The following CDH23 variants were observed in gnomAD, a reference collection of about 807,000 sequenced individuals.
CDH23 encodes cadherin-23.
Under a neutral mutation model 317.1 loss-of-function variants are expected in CDH23, and 189 were observed. The observed-to-expected ratio is 0.60, with a 90% CI of 0.53 to 0.67. The LOEUF (loss-of-function observed/expected upper bound fraction) is 0.67, where lower values mean the gene tolerates loss of function less well. Among genes scored for constraint, CDH23 ranks in the 30% least tolerant of loss-of-function variants. The probability of loss-of-function intolerance (pLI) is 0.00; values close to 1 mark genes in which losing one functional copy is unlikely to be tolerated. For synonymous variants in CDH23, 1,839 were observed against 1,876.8 expected, an observed-to-expected ratio of 0.98 and a Z score of 0.52; for missense variants, 4,401 against 4,592.4, an observed-to-expected ratio of 0.96 and a Z score of 1.20.
chr10:71,577,878 G>C (rs1241388065), intron 8 of CDH23, 36 bp from the exon 9 acceptor site: 2 of 1,536,908 alleles, frequency 1.3e-6, no homozygotes, highest in Non-Finnish European at 1.8e-6. Context: ...AGCAGCCAGG[G>C]GACCCAAACT....
intron 41 of CDH23, among the ~76,000 whole-genome samples, chr10:71,780,523 A>G (rs1005251240): frequency 6.6e-6 from 1 of 152,196 alleles, no homozygotes; most frequent in African/African-American, 2.4e-5. Flanking sequence ...CATGCCTGGG[A>G]TGTTCACAGA....
Position 71,809,868 on chromosome 10 carries a change from G to C in CDH23, c.8771G>C (p.Ser2924Thr). Residue 2924 changes from serine to threonine, a missense_variant, in exon 61 of 70, where the codon AGC becomes ACC. Transcript: ENST00000224721. ...ACCTTCGACCTCTTCATGGCCTACAGCCCCGGCTACTTCGTGGTGGACATT... is the reference window on the plus strand; with the variant it reads ...ACCTTCGACCTCTTCATGGCCTACACCCCCGGCTACTTCGTGGTGGACATT... Reference protein sequence around the residue: ...LRTFDLFMAYSPGYFVVDIVA... With the variant: ...LRTFDLFMAYTPGYFVVDIVA... 6.2e-7 allele frequency: 1 copy of C among 1,613,404 alleles called. No homozygotes were observed. The highest frequency in any genetic ancestry group is 8.5e-7 in the Non-Finnish European group (1 of 1,179,902).
chr10:71,626,292 G>A (rs946040030), intron 11 of CDH23, among the ~76,000 whole-genome samples: 1 of 152,136 alleles, frequency 6.6e-6, no homozygotes, highest in Admixed American at 6.5e-5. Context: ...CCTGTACTGC[G>A]CTAACCCTAG....
intron 38 of CDH23, chr10:71,773,479 A>AGCGGGCGGGACGCGGCCGGC: frequency 1.3e-6 from 2 of 1,554,246 alleles, no homozygotes; most frequent in Non-Finnish European, 1.7e-6. Context: ...GGTGCCGGGG[A>AGCGGGCGGGACGCGGCCGGC]GCGGGCGGGA....
intron 9 of CDH23, among the ~76,000 whole-genome samples, chr10:71,594,137 T>C (rs1441997468): frequency 6.6e-6 from 1 of 152,170 alleles, no homozygotes; most frequent in Admixed American, 6.5e-5. Flanking sequence ...TTGCCATTGA[T>C]CTGAGGGTAG....
At chr10:71,439,970 G>A (rs1849799558) in intron 2 of CDH23, 72 bp downstream of exon 2, 1 of 1,229,656 alleles carries the variant, frequency 8.1e-7, no homozygotes, top group African/African-American at 1.5e-5. Context: ...AGGGTGTTGG[G>A]GCTGGTGGTT....
At position 71,751,717 on chromosome 10, in the gene CDH23, G is replaced by T. The variant is rs139821326; in HGVS notation, c.4845+9796G>T. The T allele has an allele frequency of 5.7e-6, 9 of 1,578,240 alleles. 1 individual carries two copies. The African/African-American group carries it at 8.1e-5, about 14-fold the overall frequency. ...CGGGGCCTGGAGGAGACAGGGGGGT[G>T]CTGGGCTCCGAAAGCAGATGCCGCC... On this transcript the variant is annotated intron_variant, in intron 38 of 69. Transcript: ENST00000224721. This position sits in a 1 kb window ranked among gnomAD's most constrained non-coding sequence, Gnocchi z 4.9.
chr10:71,464,672 A>G, intron 3 of CDH23, among the ~76,000 whole-genome samples: 1 of 142,168 alleles, frequency 7.0e-6, no homozygotes, highest in African/African-American at 2.6e-5. Flanking sequence ...GGCTGGTGGG[A>G]GTGGGAGTGA....
chr10:71,595,575 C>T (rs1226859374), intron 9 of CDH23, among the ~76,000 whole-genome samples: 3 of 152,158 alleles, frequency 2.0e-5, no homozygotes, highest in Admixed American at 6.6e-5. Context: ...TTCTTTCCTT[C>T]CCCCCATGGT....
At chr10:71,524,728 G>C (rs1854927404) in intron 6 of CDH23, among the ~76,000 whole-genome samples, 1 of 152,172 alleles carries the variant, frequency 6.6e-6, no homozygotes, top group South Asian at 2.1e-4. Flanking sequence ...GAGAAGACAT[G>C]ACAGTGGATG....
intron 19 of CDH23, among the ~76,000 whole-genome samples, chr10:71,688,861 T>A (rs868057122): frequency 9.5e-6 from 1 of 105,642 alleles, no homozygotes; most frequent in African/African-American, 3.5e-5. Context: ...TCAGGGGTGG[T>A]GGAGTCAGGG....
intron 56 of CDH23, 41 bp downstream of exon 56, chr10:71,806,038 G>C: frequency 6.5e-7 from 1 of 1,548,860 alleles, no homozygotes; most frequent in Non-Finnish European, 8.7e-7. Flanking sequence ...GTCTGGGGCG[G>C]GGCTTTCTTC....
At chr10:71,681,121 C>T (rs1270916958) in intron 17 of CDH23, among the ~76,000 whole-genome samples, 1 of 152,042 alleles carries the variant, frequency 6.6e-6, no homozygotes, top group African/African-American at 2.4e-5. Flanking sequence ...AGCCACTGTG[C>T]CTGGCCCATC....
chr10:71,532,711 G>GTTTTTT (rs531593760), intron 6 of CDH23, among the ~76,000 whole-genome samples: 115 of 128,100 alleles, frequency 9.0e-4, no homozygotes, highest in Non-Finnish European at 1.4e-3. Context: ...TTTTGTTTTT[G>GTTTTTT]TTTTTTTTTT....
chr10:71,781,885 T>G (rs1255549830), intron 41 of CDH23, among the ~76,000 whole-genome samples: 1 of 152,222 alleles, frequency 6.6e-6, no homozygotes. Flanking sequence ...CTGATGGTAC[T>G]GCTGACATGG....
At chr10:71,785,156 C>A (rs1841070514) in intron 43 of CDH23, 56 bp downstream of exon 43, 3 of 1,480,204 alleles carry the variant, frequency 2.0e-6, no homozygotes, top group Non-Finnish European at 2.8e-6. Context: ...AAAAAGAGGA[C>A]CCTGCCCTAG....
At chr10:71,512,568 C>T (rs1854055160) in intron 6 of CDH23, among the ~76,000 whole-genome samples, 1 of 152,226 alleles carries the variant, frequency 6.6e-6, no homozygotes, top group Admixed American at 6.5e-5. Context: ...GAGCCTTGGA[C>T]CCATTGCTCA....
intron 8 of CDH23, among the ~76,000 whole-genome samples, chr10:71,572,893 C>T: frequency 6.6e-6 from 1 of 152,298 alleles, no homozygotes; most frequent in Admixed American, 6.5e-5. Flanking sequence ...GTCTCCAGGG[C>T]ATCATGCCCA....
At chr10:71,705,875 G>C (rs1026140421) in intron 25 of CDH23, among the ~76,000 whole-genome samples, 1 of 152,136 alleles carries the variant, frequency 6.6e-6, no homozygotes, top group Non-Finnish European at 1.5e-5. Flanking sequence ...GGGATGGTAG[G>C]GGGCGGGGGA....
Sources: gnomAD v4.1 joint callset for allele counts (sites outside exome capture counted in the v4.1 genomes callset) on GRCh38, gnomAD v4.1.1 for gene constraint, Gnocchi (gnomAD v3.1) non-coding constraint, MANE v1.5 for transcripts, NCBI Gene and HGNC (gene_info 2026-07-23, HGNC 2026-07-21) for gene names.